POC1B: variants seen among roughly 807,000 people sequenced by gnomAD.
The protein encoded by POC1B is POC1 centriolar protein B.
A neutral mutation model predicts 60.6 loss-of-function variants in POC1B; 44 were observed. The observed-to-expected ratio is 0.73, with a 90% CI of 0.57 to 0.93. The LOEUF (loss-of-function observed/expected upper bound fraction) is 0.93. Ranked by LOEUF, POC1B falls within the 40% of genes least tolerant of loss-of-function variation. The pLI is 0.00. For missense variants in POC1B, 555 were observed against 572.3 expected (o/e 0.97, Z 0.31); for synonymous variants, 180 against 198.9 (o/e 0.90, Z 0.80).
intron 11 of POC1B, 137 bp from the exon 12 acceptor site, chr12:89,421,394 C>T (rs1880526300): frequency 1.6e-6 from 1 of 627,762 alleles, no homozygotes; most frequent in East Asian, 2.8e-5. Context: ...AAAATGAGCC[C>T]CAGAACTTGC....
At chr12:89,473,222 T>G (rs189268302) in intron 4 of POC1B, among the ~76,000 whole-genome samples, 56 of 152,304 alleles carry the variant, frequency 3.7e-4, no homozygotes, top group African/African-American at 1.3e-3. Context: ...ATTAAGGGTG[T>G]GGAATATAAT....
the POC1B span, among the ~76,000 whole-genome samples, chr12:89,403,889 T>C: frequency 3.3e-5 from 5 of 152,082 alleles, no homozygotes; most frequent in Non-Finnish European, 7.4e-5. Context: ...TCCCAGCACT[T>C]TGGGAGGCCC....
At chr12:89,467,397 A>G (rs1472073941) in intron 8 of POC1B, among the ~76,000 whole-genome samples, 1 of 152,224 alleles carries the variant, frequency 6.6e-6, no homozygotes, top group Non-Finnish European at 1.5e-5. Flanking sequence ...TGTATAGTTA[A>G]GTGTAAAATG....
At chr12:89,496,813 G>A (rs7960289) in intron 3 of POC1B, among the ~76,000 whole-genome samples, 110,990 of 151,994 alleles carry the variant, frequency 0.73, 40,665 homozygotes, top group Middle Eastern at 0.82. Context: ...ATCCATGAAC[G>A]GGCGTTAGGA....
At chr12:89,486,363 T>C (rs763421644) in intron 4 of POC1B, among the ~76,000 whole-genome samples, 4 of 151,960 alleles carry the variant, frequency 2.6e-5, no homozygotes, top group Non-Finnish European at 2.9e-5. Flanking sequence ...GAGGAAGAGA[T>C]GCAGAGCAGG....
At chr12:89,476,743 T>C (rs200733966) in intron 4 of POC1B, among the ~76,000 whole-genome samples, 7 of 129,190 alleles carry the variant, frequency 5.4e-5, no homozygotes, top group East Asian at 5.3e-4. Context: ...GATAGATAGA[T>C]AGATAGATAG....
At chr12:89,446,563 G>A (rs1470997618) in intron 10 of POC1B, among the ~76,000 whole-genome samples, 1 of 152,068 alleles carries the variant, frequency 6.6e-6, no homozygotes, top group Non-Finnish European at 1.5e-5. Context: ...GAGAATACTT[G>A]GACACAGGGT....
chr12:89,524,628 G>T, intron 2 of POC1B: 1 of 1,448,650 alleles, frequency 6.9e-7, no homozygotes, highest in Non-Finnish European at 9.6e-7. Flanking sequence ...CACAGCTCGA[G>T]CTCAGGTACT....
chr12:89,489,191 T>C (rs572378837), intron 4 of POC1B, among the ~76,000 whole-genome samples: 2 of 152,334 alleles, frequency 1.3e-5, no homozygotes, highest in South Asian at 2.1e-4. Context: ...CTGACTACTA[T>C]GTGAGGTGCA....
In POC1B at chr12:89,431,466, C is replaced by G. The variant is rs1881028429; in HGVS notation, c.1114-6087G>C. Among the ~76,000 whole-genome samples the G allele has an allele frequency of 6.6e-5, 10 of 152,064 alleles. 1 individual carries two copies. In the South Asian group the frequency reaches 2.1e-3, roughly 32 times the overall value. On this transcript the variant is annotated intron_variant, in intron 10 of 11. Transcript: ENST00000313546. ...ACACACACACACACACGCACATGCA[C>G]ACACACACGTATGTATAAAACGTCT...
At chr12:89,524,667 C>A (rs1314278219) in intron 2 of POC1B, 5 of 1,078,416 alleles carry the variant, frequency 4.6e-6, no homozygotes, top group African/African-American at 1.6e-5. Flanking sequence ...TTCATGCAGG[C>A]GCTAGGCTCC....
chr12:89,442,483 G>A (rs988208019), intron 10 of POC1B, among the ~76,000 whole-genome samples: 4 of 152,142 alleles, frequency 2.6e-5, no homozygotes, highest in African/African-American at 9.7e-5. Flanking sequence ...TTTCAACCCA[G>A]AATTTCATAT....
At chr12:89,480,642 C>G (rs574741668) in intron 4 of POC1B, among the ~76,000 whole-genome samples, 1 of 141,642 alleles carries the variant, frequency 7.1e-6, no homozygotes. Flanking sequence ...CACTGTCGCC[C>G]AGGCTGGAGT....
chr12:89,513,091 T>C (rs1012935846), intron 2 of POC1B, among the ~76,000 whole-genome samples: 1 of 152,180 alleles, frequency 6.6e-6, no homozygotes, highest in African/African-American at 2.4e-5. Context: ...CTGATGCACA[T>C]TGAAATTTGA....
rs1405052521 is a variant in POC1B at position 89,440,988 on chromosome 12, G to A, written c.1114-15609C>T. On this transcript the variant is annotated intron_variant, in intron 10 of 11. Transcript: ENST00000313546. ...TTATATCCTGCACATGGCTTGGAGGGTCCCACGCCCATGGAGCCTTGCTCT... is the reference window on the plus strand; with the variant it reads ...TTATATCCTGCACATGGCTTGGAGGATCCCACGCCCATGGAGCCTTGCTCT... Among the ~76,000 whole-genome samples, 4 of 152,236 alleles carry A rather than the reference G, an allele frequency of 2.6e-5. No homozygotes were observed. In the East Asian group the frequency reaches 7.7e-4, roughly 29 times the overall value.
At chr12:89,498,644 AC>A (rs1405168902) in intron 2 of POC1B, among the ~76,000 whole-genome samples, 1 of 152,074 alleles carries the variant, frequency 6.6e-6, no homozygotes, top group Non-Finnish European at 1.5e-5. Context: ...ACTGCTTAGC[AC>A]CCCCTTTTTA....
intron 10 of POC1B, among the ~76,000 whole-genome samples, chr12:89,430,918 A>G (rs969777273): frequency 1.3e-5 from 2 of 151,972 alleles, no homozygotes; most frequent in Admixed American, 6.6e-5. Flanking sequence ...GAGAAATATT[A>G]CCCCCCAAAG....
intron 10 of POC1B, among the ~76,000 whole-genome samples, chr12:89,447,500 T>C (rs537566627): frequency 6.6e-6 from 1 of 152,282 alleles, no homozygotes; most frequent in East Asian, 1.9e-4. Flanking sequence ...TATTTCTTAG[T>C]CAAATTCTTC....
intron 10 of POC1B, among the ~76,000 whole-genome samples, chr12:89,451,236 A>G (rs1253670932): frequency 1.3e-5 from 2 of 152,210 alleles, no homozygotes; most frequent in Non-Finnish European, 2.9e-5. Context: ...AGATACATAA[A>G]AAGTATGAGA....
Sources: gnomAD v4.1 joint callset for allele counts (sites outside exome capture counted in the v4.1 genomes callset) on GRCh38, gnomAD v4.1.1 for gene constraint, MANE v1.5 for transcripts, NCBI Gene and HGNC (gene_info 2026-07-23, HGNC 2026-07-21) for gene names.